TMPRSS11B: variants seen among roughly 807,000 people sequenced by gnomAD.
TMPRSS11B encodes transmembrane serine protease 11B, also known as transmembrane protease serine 11B.
Under a neutral mutation model 44.7 loss-of-function variants are expected in TMPRSS11B, and 53 were observed. The observed-to-expected ratio is 1.19, with a 90% CI of 0.95 to 1.49. The LOEUF is 1.49. Ranked by LOEUF, TMPRSS11B falls within the 40% of genes most tolerant of loss-of-function variation. The probability of loss-of-function intolerance (pLI) is 0.00; values close to 1 mark genes in which losing one functional copy is unlikely to be tolerated. For synonymous variants in TMPRSS11B, 140 were observed against 159.2 expected (o/e 0.88, Z 0.91); for missense variants, 526 against 494.8 (o/e 1.06, Z -0.60).
chr4:68,229,109 C>T lies in TMPRSS11B; in HGVS notation c.946+148G>A, dbSNP rs555697827. 3 of 963,236 alleles carry T rather than the reference C, an allele frequency of 3.1e-6. No individual in the cohort carries two copies. The South Asian group carries it at 5.3e-5, about 17-fold the overall frequency. 59.7% of individuals were successfully genotyped at this position (963,236 alleles called of 1,614,324 possible). A position where few individuals can be genotyped will look rare whatever the true frequency, so the allele number is the denominator to read the frequency against. On this transcript the variant is annotated intron_variant, in intron 8 of 9. Coordinates refer to ENST00000332644, the MANE Select transcript of TMPRSS11B (RefSeq NM_182502.3). ...ATTTTAGGAAGTGAAGACAATTTGA[C>T]ATCATGCTTTTTGTCCCACCACTTG... is the stretch of plus-strand genomic sequence containing the variant.
Position 68,241,762 on chromosome 4 carries a change from C to T in TMPRSS11B, c.51G>A (p.Thr17=), listed in dbSNP as rs371254373. The change falls in exon 2 of 10, where the codon ACG becomes ACA. Residue 17 remains threonine, a synonymous_variant. Transcript: ENST00000332644. ...CCGCCACTCCAAGAAAAATAAAGATCGTAGTCCATAGTGGCCAAGATCTTT... is the reference window on the plus strand; with the variant it reads ...CCGCCACTCCAAGAAAAATAAAGATTGTAGTCCATAGTGGCCAAGATCTTT... ...SSQRSWPLWT[T]IFIFLGVAAI... 3.1e-6 allele frequency: 5 copies of T among 1,613,172 alleles called. No homozygotes were observed. The highest frequency in any genetic ancestry group is 2.7e-5 in the African/African-American group (2 of 74,920).
At chr4:68,228,109 AC>A in intron 9 of TMPRSS11B, 37 bp from the exon 10 acceptor site, 1 of 1,545,824 alleles carries the variant, frequency 6.5e-7, no homozygotes. Flanking sequence ...TCTTGTCTTA[AC>A]AAAAAATTTC....
intron 1 of TMPRSS11B, among the ~76,000 whole-genome samples, chr4:68,242,391 A>T (rs1396283735): frequency 2.2e-5 from 2 of 90,872 alleles, no homozygotes; most frequent in South Asian, 3.0e-4. Context: ...TATAATATAT[A>T]ATATATTATG....
rs1305272418 is a variant in TMPRSS11B, at chr4:68,227,781, T to C, written c.*130A>G. 4.1e-6 allele frequency: 2 copies of C among 492,354 alleles called. No homozygotes were observed. The highest frequency in any genetic ancestry group is 3.0e-6 in the Non-Finnish European group (1 of 334,264). 30.5% of individuals were successfully genotyped at this position (492,354 alleles called of 1,614,324 possible). ...TGTTTTAGATATAATAAAATATTAA[T>C]AAAGACATTTATATTTTTATATATA... On this transcript the variant is annotated 3_prime_UTR_variant, in exon 10 of 10. Transcript: ENST00000332644.
intron 1 of TMPRSS11B, 35 bp downstream of exon 1, chr4:68,245,516 T>C: frequency 1.2e-6 from 2 of 1,611,550 alleles, no homozygotes; most frequent in Non-Finnish European, 1.7e-6. Context: ...TGCTACATTT[T>C]GCCAACTTGC....
At chr4:68,232,258 T>C in intron 6 of TMPRSS11B, 120 bp downstream of exon 6, 1 of 851,898 alleles carries the variant, frequency 1.2e-6, no homozygotes, top group South Asian at 1.8e-5. Context: ...GTATATCTAG[T>C]AATTCGGAAA....
intron 2 of TMPRSS11B, among the ~76,000 whole-genome samples, chr4:68,239,456 G>A (rs896140937): frequency 3.3e-5 from 5 of 152,174 alleles, no homozygotes; most frequent in African/African-American, 4.8e-5. Flanking sequence ...TAAAAGTCCA[G>A]TCTCCAAGAT....
At position 68,245,614 on chromosome 4, in the gene TMPRSS11B, A is replaced by C; in HGVS notation, c.-56T>G. 6.3e-7 allele frequency: 1 copy of C among 1,594,304 alleles called. No homozygotes were observed. The highest frequency in any genetic ancestry group is 1.7e-5 in the Admixed American group (1 of 59,796). On this transcript the variant is annotated 5_prime_UTR_variant, in exon 1 of 10. Transcript: ENST00000332644. ...ATAACGGTGGTAATGATGATGACGAAGATAACGATAACGATGACAATGCTG... is the reference window on the plus strand; with the variant it reads ...ATAACGGTGGTAATGATGATGACGACGATAACGATAACGATGACAATGCTG...
At chr4:68,240,700 T>C (rs1208988296) in intron 2 of TMPRSS11B, among the ~76,000 whole-genome samples, 2 of 152,040 alleles carry the variant, frequency 1.3e-5, no homozygotes, top group African/African-American at 4.8e-5. Flanking sequence ...GAACATTTCA[T>C]GGATAGATAT....
intron 5 of TMPRSS11B, 57 bp downstream of exon 5, chr4:68,234,406 A>C: frequency 3.9e-6 from 6 of 1,542,170 alleles, no homozygotes; most frequent in Non-Finnish European, 5.2e-6. Context: ...GTACTTTTTA[A>C]AAAAATAATC....
At chr4:68,232,235 A>G (rs574323526) in intron 6 of TMPRSS11B, 143 bp downstream of exon 6, 10 of 551,358 alleles carry the variant, frequency 1.8e-5, no homozygotes, top group African/African-American at 1.8e-4. Context: ...GAGAAATTCT[A>G]AGTCAATATC....
intron 1 of TMPRSS11B, among the ~76,000 whole-genome samples, chr4:68,242,391 A>ATATATAAT (rs1719885528): frequency 2.2e-5 from 2 of 90,856 alleles, no homozygotes; most frequent in Admixed American, 1.8e-4. Context: ...TATAATATAT[A>ATATATAAT]ATATATTATG....
intron 5 of TMPRSS11B, among the ~76,000 whole-genome samples, chr4:68,233,905 C>T: frequency 6.6e-6 from 1 of 151,950 alleles, no homozygotes; most frequent in East Asian, 1.9e-4. Flanking sequence ...GGCTCGGTGG[C>T]TCATGCCTGT....
chr4:68,238,898 A>G (rs1719746050), intron 2 of TMPRSS11B, among the ~76,000 whole-genome samples: 2 of 152,202 alleles, frequency 1.3e-5, no homozygotes, highest in Non-Finnish European at 2.9e-5. Context: ...TACATCCAGA[A>G]TACTGAACCA....
chr4:68,244,020 G>A (rs1481846508), intron 1 of TMPRSS11B, among the ~76,000 whole-genome samples: 1 of 152,128 alleles, frequency 6.6e-6, no homozygotes, highest in Non-Finnish European at 1.5e-5. Context: ...CAGTAAGTTT[G>A]TGATTAACTC....
intron 5 of TMPRSS11B, 104 bp from the exon 6 acceptor site, chr4:68,232,520 C>G (rs1719545514): frequency 9.6e-7 from 1 of 1,039,086 alleles, no homozygotes; most frequent in Non-Finnish European, 1.5e-6. Context: ...CCAATATTGT[C>G]CAACATTTAA....
intron 2 of TMPRSS11B, 24 bp from the exon 3 acceptor site, chr4:68,236,290 C>A: frequency 6.9e-7 from 1 of 1,457,376 alleles, no homozygotes; most frequent in South Asian, 1.2e-5. Flanking sequence ...AAAAAAAAAC[C>A]TCAAAGAATT....
intron 2 of TMPRSS11B, among the ~76,000 whole-genome samples, chr4:68,237,165 C>T (rs1446913548): frequency 6.6e-6 from 1 of 152,014 alleles, no homozygotes; most frequent in Non-Finnish European, 1.5e-5. Flanking sequence ...GTTCAGCTCC[C>T]ACTTATGAGT....
intron 7 of TMPRSS11B, among the ~76,000 whole-genome samples, chr4:68,230,623 G>A (rs148443175): frequency 7.8e-4 from 119 of 152,158 alleles, no homozygotes; most frequent in African/African-American, 2.7e-3. Context: ...GACTAACATG[G>A]TAAAACCCCG....
Sources: allele counts gnomAD v4.1 joint callset (sites outside exome capture counted in the v4.1 genomes callset), GRCh38; gene constraint gnomAD v4.1.1; transcripts MANE v1.5; gene names NCBI Gene and HGNC (gene_info 2026-07-23, HGNC 2026-07-21).